The following ARHGEF26 variants were observed in gnomAD, a reference collection of about 807,000 sequenced individuals.
ARHGEF26 encodes the protein Rho guanine nucleotide exchange factor 26, also known as Rho guanine nucleotide exchange factor (GEF) 26.
In ARHGEF26, 59 loss-of-function variants were observed where a neutral mutation model predicts 89.4. The ratio of observed to expected loss-of-function variants is 0.66; its 90% confidence interval spans 0.54 to 0.82. The LOEUF (loss-of-function observed/expected upper bound fraction) is 0.82. ARHGEF26 is among the 40% of genes least tolerant of loss of function. The pLI is 0.00. For missense variants in ARHGEF26, 1,234 were observed against 1,085.6 expected (o/e 1.14, Z -1.92); for synonymous variants, 500 against 428.4 (o/e 1.17, Z -2.06).
chr3:154,169,784 T>G (rs1218177759), intron 6 of ARHGEF26, among the ~76,000 whole-genome samples: 1 of 152,170 alleles, frequency 6.6e-6, no homozygotes, highest in Non-Finnish European at 1.5e-5. Context: ...AATAAGGTGT[T>G]TTTAAACTGA....
chr3:154,233,972 T>C (rs1225823884), intron 11 of ARHGEF26, among the ~76,000 whole-genome samples: 1 of 152,222 alleles, frequency 6.6e-6, no homozygotes, highest in Non-Finnish European at 1.5e-5. Flanking sequence ...AAAAAATAAA[T>C]GTCACTATCT....
intron 9 of ARHGEF26, 32 bp downstream of exon 9, chr3:154,194,750 C>T (rs1011801179): frequency 6.4e-7 from 1 of 1,572,946 alleles, no homozygotes; most frequent in African/African-American, 1.3e-5. Context: ...GTTTGTAAGA[C>T]AGGAAACCAT....
At chr3:154,214,629 G>GC (rs1288205968) in intron 9 of ARHGEF26, among the ~76,000 whole-genome samples, 2 of 152,148 alleles carry the variant, frequency 1.3e-5, no homozygotes, top group Non-Finnish European at 2.9e-5. Context: ...AAGAAGAGGT[G>GC]CCGTGTAGAT....
intron 1 of ARHGEF26, 121 bp from the exon 2 acceptor site, chr3:154,121,820 GT>G (rs1717942610): frequency 2.3e-6 from 2 of 866,808 alleles, no homozygotes; most frequent in East Asian, 5.4e-5. Context: ...GAAAGGGCGG[GT>G]AAGTGCGGTG....
intron 6 of ARHGEF26, among the ~76,000 whole-genome samples, chr3:154,182,339 G>A (rs1329753332): frequency 6.6e-6 from 1 of 152,070 alleles, no homozygotes; most frequent in Non-Finnish European, 1.5e-5. Flanking sequence ...GGATTCATGA[G>A]GGAAAAAGGG....
intron 6 of ARHGEF26, among the ~76,000 whole-genome samples, chr3:154,186,165 A>ACACACACACACACCC (rs766757043): frequency 5.3e-5 from 8 of 150,256 alleles, no homozygotes; most frequent in African/African-American, 2.0e-4. Context: ...ACACACACAC[A>ACACACACACACACCC]CCCCTATACA....
Sources: gnomAD v4.1 joint callset for allele counts (sites outside exome capture counted in the v4.1 genomes callset) on GRCh38, gnomAD v4.1.1 for gene constraint, MANE v1.5 for transcripts, NCBI Gene and HGNC (gene_info 2026-07-23, HGNC 2026-07-21) for gene names.